The following LTBP1 variants were observed in gnomAD, a reference collection of about 807,000 sequenced individuals.
The protein encoded by LTBP1 is latent-transforming growth factor beta-binding protein 1.
In LTBP1, 129 loss-of-function variants were observed where a neutral mutation model predicts 207.6. That is an observed-to-expected ratio of 0.62 (90% CI 0.54 to 0.72). LTBP1 has a LOEUF of 0.72. Ranked by LOEUF, LTBP1 falls within the 30% of genes least tolerant of loss-of-function variation. The probability of loss-of-function intolerance (pLI) is 0.00; values close to 1 mark genes in which losing one functional copy is unlikely to be tolerated. For synonymous variants in LTBP1, 963 were observed against 833.7 expected (o/e 1.16, Z -2.67); for missense variants, 2,281 against 2,217.2 (o/e 1.03, Z -0.58).
At chr2:33,164,352 GAAAAAAAAA>G (rs56916166) in intron 5 of LTBP1, among the ~76,000 whole-genome samples, 516 of 28,240 alleles carry the variant, frequency 0.018, 6 homozygotes, top group African/African-American at 0.058. Context: ...TTCCTCTCAG[GAAAAAAAAA>G]AAAAAAAAAA....
intron 4 of LTBP1, among the ~76,000 whole-genome samples, chr2:33,122,140 G>T (rs1384614655): frequency 6.6e-6 from 1 of 151,710 alleles, no homozygotes; most frequent in African/African-American, 2.4e-5. Flanking sequence ...ATCGAGTGTG[G>T]GTGGAACGAG....
intron 3 of LTBP1, among the ~76,000 whole-genome samples, chr2:33,087,040 T>G (rs1447697542): frequency 6.7e-6 from 1 of 149,930 alleles, no homozygotes; most frequent in African/African-American, 2.4e-5. Context: ...TCACCAGCAT[T>G]TCGGATTCTG....
chr2:33,104,605 C>T (rs765245975), intron 3 of LTBP1, among the ~76,000 whole-genome samples: 1 of 152,160 alleles, frequency 6.6e-6, no homozygotes, highest in South Asian at 2.1e-4. Context: ...TGTTTTTCTC[C>T]TCTTCTGACT....
intron 2 of LTBP1, among the ~76,000 whole-genome samples, chr2:33,009,582 C>G (rs890212190): frequency 3.7e-4 from 57 of 152,270 alleles, no homozygotes; most frequent in African/African-American, 1.3e-3. Context: ...CTACCAGAAT[C>G]TAGGAGAGAA....
chr2:33,190,378 A>G (rs2087727564), intron 7 of LTBP1, among the ~76,000 whole-genome samples: 2 of 152,188 alleles, frequency 1.3e-5, no homozygotes, highest in Non-Finnish European at 2.9e-5. Flanking sequence ...CTTGGGAGTA[A>G]TAGAACTAAT....
intron 10 of LTBP1, among the ~76,000 whole-genome samples, chr2:33,248,362 A>G (rs1170397640): frequency 6.6e-6 from 1 of 152,178 alleles, no homozygotes; most frequent in South Asian, 2.1e-4. Flanking sequence ...TCTTTCCAAC[A>G]GTCATACAGT....
intron 9 of LTBP1, among the ~76,000 whole-genome samples, chr2:33,228,803 G>T (rs890219431): frequency 6.8e-6 from 1 of 147,538 alleles, no homozygotes; most frequent in Non-Finnish European, 1.5e-5. Context: ...GGGTTCAAGC[G>T]ATTCCCCTGC....
At chr2:33,377,039 T>C (rs1203159936) in intron 31 of LTBP1, among the ~76,000 whole-genome samples, 2 of 152,258 alleles carry the variant, frequency 1.3e-5, no homozygotes, top group East Asian at 1.9e-4. Context: ...TATGATCCTA[T>C]TGTAGTCATT....
chr2:33,001,672 A>G (rs1686074028), intron 2 of LTBP1, among the ~76,000 whole-genome samples: 1 of 134,676 alleles, frequency 7.4e-6, no homozygotes, highest in Non-Finnish European at 1.6e-5. Context: ...ACAGCCATTT[A>G]TGATATTGTT....
intron 16 of LTBP1, among the ~76,000 whole-genome samples, chr2:33,274,094 G>A (rs190904594): frequency 2.6e-5 from 4 of 152,028 alleles, no homozygotes; most frequent in East Asian, 3.9e-4. Flanking sequence ...CATGTATTTA[G>A]CAAAAACAAA....
chr2:33,072,527 G>A (rs996746046), intron 3 of LTBP1, among the ~76,000 whole-genome samples: 3 of 152,134 alleles, frequency 2.0e-5, no homozygotes, highest in East Asian at 1.9e-4. Flanking sequence ...ATTTGTTCAC[G>A]GTCAGTTTCA....
At position 33,347,457 on chromosome 2, in the gene LTBP1, A is replaced by C. The variant is rs534897379; in HGVS notation, c.3947A>C (p.Glu1316Ala). ...EGSFLCVCAD[E>A]NQEYSPMTGQ... Reference sequence around the variant, plus strand: ...TCCTTCCTGTGCGTGTGTGCTGATGAAAACCAAGAGTACAGCCCCATGACT... The same window carrying C: ...TCCTTCCTGTGCGTGTGTGCTGATGCAAACCAAGAGTACAGCCCCATGACT... The change falls in exon 26 of 34, where the codon GAA becomes GCA. Residue 1316 changes from glutamate to alanine, a missense_variant. Transcript: ENST00000404816. 1 of 1,614,200 alleles carries C rather than the reference A, an allele frequency of 6.2e-7. No homozygotes were observed. Among genetic ancestry groups the C allele is most frequent in the Admixed American group, 1.7e-5 (1 of 60,030 alleles).
chr2:33,262,624 T>C, intron 13 of LTBP1, 98 bp from the exon 14 acceptor site: 1 of 502,378 alleles, frequency 2.0e-6, no homozygotes, highest in South Asian at 3.6e-5. Flanking sequence ...AAGAATATAA[T>C]TAATTACATA....
chr2:33,151,085 C>G (rs565927560), intron 5 of LTBP1, among the ~76,000 whole-genome samples: 1 of 152,204 alleles, frequency 6.6e-6, no homozygotes, highest in South Asian at 2.1e-4. Context: ...AGCATGTTTT[C>G]TTTTTAAGGC....
At chr2:33,081,900 A>T (rs1469915756) in intron 3 of LTBP1, among the ~76,000 whole-genome samples, 1 of 152,124 alleles carries the variant, frequency 6.6e-6, no homozygotes, top group African/African-American at 2.4e-5. Context: ...GTGAAGAAGG[A>T]TGTTTTTGCT....
chr2:33,017,375 G>T (rs566465415), intron 2 of LTBP1, among the ~76,000 whole-genome samples: 3 of 152,322 alleles, frequency 2.0e-5, no homozygotes, highest in African/African-American at 7.2e-5. Context: ...ACCTGAGTGT[G>T]CATCGACGTC....
chr2:33,181,356 T>C (rs2086615842), intron 5 of LTBP1, among the ~76,000 whole-genome samples: 1 of 152,242 alleles, frequency 6.6e-6, no homozygotes, highest in Non-Finnish European at 1.5e-5. Context: ...GTGAATATTA[T>C]TCTGTCAGCC....
intron 2 of LTBP1, among the ~76,000 whole-genome samples, chr2:33,005,563 A>G (rs1229078692): frequency 6.6e-6 from 1 of 150,534 alleles, no homozygotes; most frequent in Non-Finnish European, 1.5e-5. Flanking sequence ...AGTCCAGCTC[A>G]GATTCAAGAG....
chr2:33,336,770 T>C (rs2094558468), intron 24 of LTBP1, among the ~76,000 whole-genome samples: 1 of 152,202 alleles, frequency 6.6e-6, no homozygotes, highest in Non-Finnish European at 1.5e-5. Flanking sequence ...GAGAAGGAGA[T>C]GTTAAGAAAC....
Sources: allele counts gnomAD v4.1 joint callset (sites outside exome capture counted in the v4.1 genomes callset), GRCh38; gene constraint gnomAD v4.1.1; transcripts MANE v1.5; gene names NCBI Gene and HGNC (gene_info 2026-07-23, HGNC 2026-07-21).